SLC4A10: variants seen among roughly 807,000 people sequenced by gnomAD.
SLC4A10 encodes the protein solute carrier family 4 member 10, also known as sodium-driven chloride bicarbonate exchanger.
SLC4A10 carries 42 observed loss-of-function variants against 137.7 expected under a neutral mutation model. The ratio of observed to expected loss-of-function variants is 0.30; its 90% CI spans 0.24 to 0.39. The LOEUF is 0.39. Ranked by LOEUF, SLC4A10 falls within the 10% of genes least tolerant of loss-of-function variation. The pLI is 1.00. For synonymous variants in SLC4A10, 474 were observed against 464.1 expected, an observed-to-expected ratio of 1.02 and a Z score of -0.27; for missense variants, 925 against 1,355.0, an observed-to-expected ratio of 0.68 and a Z score of 4.98.
intron 1 of SLC4A10, among the ~76,000 whole-genome samples, chr2:161,748,123 T>G (rs982477079): frequency 6.6e-6 from 1 of 151,888 alleles, no homozygotes; most frequent in Non-Finnish European, 1.5e-5. Context: ...ATTTGGGGGG[T>G]TTTTGCTATT....
At chr2:161,764,145 G>T (rs970914323) in intron 1 of SLC4A10, among the ~76,000 whole-genome samples, 3 of 152,076 alleles carry the variant, frequency 2.0e-5, no homozygotes, top group East Asian at 1.9e-4. Flanking sequence ...GAATTATGGC[G>T]CATCCATACC....
chr2:161,858,939 A>T (rs1248027338), intron 5 of SLC4A10, among the ~76,000 whole-genome samples: 1 of 152,214 alleles, frequency 6.6e-6, no homozygotes, highest in Non-Finnish European at 1.5e-5. Context: ...TAACCTGCCT[A>T]TACTGTGACA....
chr2:161,635,899 CCTT>C (rs1257292678), intron 1 of SLC4A10, among the ~76,000 whole-genome samples: 7 of 152,056 alleles, frequency 4.6e-5, no homozygotes, highest in Non-Finnish European at 1.0e-4. Flanking sequence ...TTGTTTCTTC[CCTT>C]CTTAAAATGA....
chr2:161,876,753 C>T (rs542258628), intron 8 of SLC4A10, among the ~76,000 whole-genome samples: 1 of 152,126 alleles, frequency 6.6e-6, no homozygotes, highest in African/African-American at 2.4e-5. Context: ...ATATAGTACA[C>T]AAACACAAAA....
chr2:161,911,316 A>G (rs1056512291), intron 15 of SLC4A10, among the ~76,000 whole-genome samples: 6 of 152,076 alleles, frequency 3.9e-5, no homozygotes, highest in African/African-American at 7.2e-5. Flanking sequence ...TTGAATTCAT[A>G]AAACTAATGA....
At chr2:161,694,219 T>G (rs1172602642) in intron 1 of SLC4A10, among the ~76,000 whole-genome samples, 1 of 152,000 alleles carries the variant, frequency 6.6e-6, no homozygotes, top group Non-Finnish European at 1.5e-5. Context: ...GAACAAATAT[T>G]TGCATTTAGG....
chr2:161,729,467 T>C (rs1300699903), intron 1 of SLC4A10, among the ~76,000 whole-genome samples: 1 of 152,158 alleles, frequency 6.6e-6, no homozygotes, highest in Non-Finnish European at 1.5e-5. Context: ...ATGGTGATTA[T>C]AGGAATCTAT....
chr2:161,881,003 C>A (rs1242829814), intron 9 of SLC4A10, among the ~76,000 whole-genome samples: 1 of 151,566 alleles, frequency 6.6e-6, no homozygotes, highest in Non-Finnish European at 1.5e-5. Flanking sequence ...GTGTAGAGAA[C>A]AACGGAGAAA....
chr2:161,921,167 C>A (rs943764363), intron 15 of SLC4A10, among the ~76,000 whole-genome samples: 1 of 152,184 alleles, frequency 6.6e-6, no homozygotes, highest in Non-Finnish European at 1.5e-5. Flanking sequence ...CTTATCTCTC[C>A]ATTTCTGTTG....
chr2:161,698,219 G>A (rs1471259796), intron 1 of SLC4A10, among the ~76,000 whole-genome samples: 1 of 152,114 alleles, frequency 6.6e-6, no homozygotes, highest in Non-Finnish European at 1.5e-5. Context: ...TGAGATCATG[G>A]GGTTTTCTAA....
At chr2:161,794,663 G>T (rs1436394834) in intron 2 of SLC4A10, among the ~76,000 whole-genome samples, 2 of 152,112 alleles carry the variant, frequency 1.3e-5, no homozygotes, top group African/African-American at 4.8e-5. Context: ...AAATGAGGTT[G>T]TTCCGTCTCT....
At chr2:161,775,020 T>G (rs2052142274) in intron 2 of SLC4A10, among the ~76,000 whole-genome samples, 1 of 151,904 alleles carries the variant, frequency 6.6e-6, no homozygotes, top group Admixed American at 6.6e-5. Flanking sequence ...GACTCTAAAC[T>G]ACTTGATTTG....
intron 1 of SLC4A10, among the ~76,000 whole-genome samples, chr2:161,665,362 T>G (rs1312975991): frequency 6.6e-6 from 1 of 151,828 alleles, no homozygotes; most frequent in East Asian, 1.9e-4. Context: ...ATATTTTGAT[T>G]GGAGCCTGCT....
At chr2:161,650,745 C>T (rs2105579321) in intron 1 of SLC4A10, among the ~76,000 whole-genome samples, 1 of 152,276 alleles carries the variant, frequency 6.6e-6, no homozygotes, top group South Asian at 2.1e-4. Flanking sequence ...CTTAAAACAC[C>T]AGCCCCCTGC....
At chr2:161,758,530 T>G (rs933084559) in intron 1 of SLC4A10, among the ~76,000 whole-genome samples, 3 of 151,994 alleles carry the variant, frequency 2.0e-5, no homozygotes, top group African/African-American at 7.2e-5. Flanking sequence ...CCATCTTCAT[T>G]TTGAAATTAT....
chr2:161,874,061 T>G, intron 8 of SLC4A10, 56 bp downstream of exon 8: 1 of 1,470,382 alleles, frequency 6.8e-7, no homozygotes, highest in Non-Finnish European at 9.2e-7. Context: ...TTTCACTGTA[T>G]GGAGGCATGT....
chr2:161,697,493 G>A (rs2042654429), intron 1 of SLC4A10, among the ~76,000 whole-genome samples: 2 of 152,140 alleles, frequency 1.3e-5, no homozygotes, highest in South Asian at 2.1e-4. Context: ...CAAGGTGTAA[G>A]GAAGGGATCC....
intron 1 of SLC4A10, among the ~76,000 whole-genome samples, chr2:161,682,374 T>A (rs1048653041): frequency 5.9e-5 from 9 of 152,182 alleles, no homozygotes; most frequent in Non-Finnish European, 1.2e-4. Context: ...ATTATGTTTT[T>A]AAAGATTTAT....
chr2:161,792,353 C>T (rs2054292047), intron 2 of SLC4A10, among the ~76,000 whole-genome samples: 2 of 152,024 alleles, frequency 1.3e-5, no homozygotes, highest in Admixed American at 1.3e-4. Flanking sequence ...TTATTTAATA[C>T]TTTTAAGACA....
Sources: allele counts gnomAD v4.1 joint callset (sites outside exome capture counted in the v4.1 genomes callset), GRCh38; gene constraint gnomAD v4.1.1; transcripts MANE v1.5; gene names NCBI Gene and HGNC (gene_info 2026-07-23, HGNC 2026-07-21).